Variants in MSTO1 observed in about 807,000 individuals in gnomAD.
The protein encoded by MSTO1 is misato mitochondrial distribution and morphology regulator 1.
A neutral mutation model predicts 55.7 loss-of-function variants in MSTO1; 24 were observed. The ratio of observed to expected loss-of-function variants is 0.43; its 90% CI spans 0.31 to 0.61. The LOEUF (loss-of-function observed/expected upper bound fraction) is 0.61. Among genes scored for constraint, MSTO1 ranks in the 20% least tolerant of loss-of-function variants. MSTO1 has a pLI of 0.09. For missense variants in MSTO1, 363 were observed against 625.7 expected, an observed-to-expected ratio of 0.58 and a Z score of 4.48; for synonymous variants, 162 against 252.8, an observed-to-expected ratio of 0.64 and a Z score of 3.41.
At chr1:155,583,688 C>T in the MSTO1 span, among the ~76,000 whole-genome samples, 4 of 152,124 alleles carry the variant, frequency 2.6e-5, no homozygotes, top group South Asian at 8.3e-4. Flanking sequence ...ACGTTCTGAC[C>T]GTCATTTCTC....
At chr1:155,586,290 G>C in the MSTO1 span, among the ~76,000 whole-genome samples, 121 of 143,318 alleles carry the variant, frequency 8.4e-4, no homozygotes, top group Non-Finnish European at 1.3e-3. Flanking sequence ...TGATCCACCC[G>C]CCTCGGCCTC....
the MSTO1 span, chr1:155,598,749 A>T: frequency 4.6e-6 from 3 of 645,478 alleles, no homozygotes; most frequent in Non-Finnish European, 8.1e-6. Context: ...AAAAAAACAT[A>T]AGTACTGTTG....
At chr1:155,585,072 C>T in the MSTO1 span, among the ~76,000 whole-genome samples, 18 of 152,108 alleles carry the variant, frequency 1.2e-4, no homozygotes, top group African/African-American at 4.1e-4. Context: ...ATGTGATTCT[C>T]TTGACTGTAC....
At chr1:155,592,975 G>C in the MSTO1 span, among the ~76,000 whole-genome samples, 1 of 151,884 alleles carries the variant, frequency 6.6e-6, no homozygotes, top group East Asian at 1.9e-4. Context: ...GCAATGGCAC[G>C]ATCTTGGCTC....
At chr1:155,606,274 G>A (rs1207792509), upstream of MSTO1, among the ~76,000 whole-genome samples, 1 of 140,608 alleles carries the variant, frequency 7.1e-6, no homozygotes, top group Non-Finnish European at 1.5e-5. Flanking sequence ...GGCCAGGCTG[G>A]TCTCGAACTC....
chr1:155,603,365 C>T, the MSTO1 span, among the ~76,000 whole-genome samples: 2 of 151,802 alleles, frequency 1.3e-5, no homozygotes, highest in African/African-American at 2.4e-5. Context: ...CCACTTCACT[C>T]CATCCTGGGC....
the MSTO1 span, among the ~76,000 whole-genome samples, chr1:155,567,533 C>T: frequency 3.9e-5 from 6 of 151,918 alleles, no homozygotes; most frequent in Middle Eastern, 3.4e-3. Flanking sequence ...ATCTCCTGAC[C>T]TCGTGATCCG....
chr1:155,572,081 A>G, the MSTO1 span, among the ~76,000 whole-genome samples: 2 of 152,084 alleles, frequency 1.3e-5, no homozygotes, highest in African/African-American at 2.4e-5. Flanking sequence ...TTGTGAGCCA[A>G]ACTTTTCCTA....
the MSTO1 span, among the ~76,000 whole-genome samples, chr1:155,573,441 T>G: frequency 6.6e-6 from 1 of 152,110 alleles, no homozygotes; most frequent in East Asian, 1.9e-4. Context: ...GGCACACGCC[T>G]GTAATGCCAG....
chr1:155,611,364 G>A (rs1276380069), intron 4 of MSTO1, 73 bp downstream of exon 4: 2 of 1,613,062 alleles, frequency 1.2e-6, no homozygotes, highest in East Asian at 2.2e-5. Context: ...AGGTAAACGG[G>A]GATTTTAATC....
the MSTO1 span, among the ~76,000 whole-genome samples, chr1:155,592,752 C>A: frequency 6.6e-6 from 1 of 151,942 alleles, no homozygotes; most frequent in African/African-American, 2.4e-5. Flanking sequence ...ACAGCGTTTC[C>A]CCAAGTTGTC....
At chr1:155,598,010 G>T in the MSTO1 span, among the ~76,000 whole-genome samples, 2 of 151,166 alleles carry the variant, frequency 1.3e-5, no homozygotes, top group Non-Finnish European at 2.9e-5. Context: ...TAGAAACAGG[G>T]TTTCACCATG....
the MSTO1 span, chr1:155,599,028 T>C: frequency 1.7e-6 from 1 of 598,470 alleles, no homozygotes; most frequent in Non-Finnish European, 2.8e-6. Context: ...GAAAAGCCTT[T>C]GCCAGTCACG....
the MSTO1 span, chr1:155,563,927 TA>T: frequency 9.8e-6 from 2 of 205,030 alleles, no homozygotes; most frequent in African/African-American, 4.7e-5. Flanking sequence ...AAGGAGTTAA[TA>T]AAACAAAGCA....
At chr1:155,609,232 TATATATATATA>T (rs1351609956), upstream of MSTO1, among the ~76,000 whole-genome samples, 1 of 49,650 alleles carries the variant, frequency 2.0e-5, no homozygotes, top group Admixed American at 2.0e-4. Context: ...TATATATATA[TATATATATATA>T]TTTTTTTTTT....
the MSTO1 span, among the ~76,000 whole-genome samples, chr1:155,568,055 A>ATTTATTTTATTTTAT: frequency 6.3e-5 from 9 of 143,472 alleles, no homozygotes; most frequent in South Asian, 4.4e-4. Flanking sequence ...AAAAAAAATT[A>ATTTATTTTATTTTAT]TTTATTTTAT....
At chr1:155,588,684 A>G in the MSTO1 span, among the ~76,000 whole-genome samples, 2 of 152,168 alleles carry the variant, frequency 1.3e-5, no homozygotes, top group African/African-American at 4.8e-5. Flanking sequence ...AGAATCATGA[A>G]AAAATGACTA....
At chr1:155,602,935 G>A in the MSTO1 span, among the ~76,000 whole-genome samples, 1 of 152,072 alleles carries the variant, frequency 6.6e-6, no homozygotes, top group Non-Finnish European at 1.5e-5. Flanking sequence ...TAGACCAGGG[G>A]CCTTCAACTC....
the MSTO1 span, among the ~76,000 whole-genome samples, chr1:155,602,370 G>A: frequency 6.6e-6 from 1 of 152,142 alleles, no homozygotes; most frequent in African/African-American, 2.4e-5. Flanking sequence ...CAGCTACTTG[G>A]GAGGCTGAGG....
Sources: gnomAD v4.1 joint callset for allele counts (sites outside exome capture counted in the v4.1 genomes callset) on GRCh38, gnomAD v4.1.1 for gene constraint, MANE v1.5 for transcripts, NCBI Gene and HGNC (gene_info 2026-07-23, HGNC 2026-07-21) for gene names.